Variants in FNDC3A observed in about 807,000 individuals in gnomAD.
FNDC3A encodes fibronectin type-III domain-containing protein 3A.
FNDC3A carries 32 observed loss-of-function variants against 148.9 expected under a neutral mutation model. That is an observed-to-expected ratio of 0.21 (90% confidence interval 0.16 to 0.29). The LOEUF (loss-of-function observed/expected upper bound fraction) is 0.29. FNDC3A is among the 10% of genes least tolerant of loss of function. The pLI is 1.00. For missense variants in FNDC3A, 1,191 were observed against 1,452.8 expected, an observed-to-expected ratio of 0.82 and a Z score of 2.93; for synonymous variants, 472 against 473.6, an observed-to-expected ratio of 1.00 and a Z score of 0.04.
chr13:49,090,533 C>A (rs1161174150), intron 3 of FNDC3A, among the ~76,000 whole-genome samples: 2 of 152,206 alleles, frequency 1.3e-5, no homozygotes, highest in Non-Finnish European at 2.9e-5. Context: ...CTGTCACAGA[C>A]ATGCAAACAA....
chr13:49,037,017 G>A (rs1874541570), intron 2 of FNDC3A, among the ~76,000 whole-genome samples: 1 of 152,188 alleles, frequency 6.6e-6, no homozygotes, highest in Admixed American at 6.5e-5. Context: ...ATCAGTATAG[G>A]AAAATATGAA....
chr13:49,159,346 A>G (rs1467519902), intron 8 of FNDC3A, among the ~76,000 whole-genome samples: 1 of 152,028 alleles, frequency 6.6e-6, no homozygotes, highest in Non-Finnish European at 1.5e-5. Context: ...ATCCCTTGTA[A>G]GTTGGATTCC....
chr13:49,049,057 C>T (rs970467092), intron 2 of FNDC3A, among the ~76,000 whole-genome samples: 7 of 152,112 alleles, frequency 4.6e-5, no homozygotes, highest in African/African-American at 1.2e-4. Flanking sequence ...TTTTTTGCAT[C>T]TATTGAGATA....
At chr13:49,037,253 T>C (rs1179441217) in intron 2 of FNDC3A, among the ~76,000 whole-genome samples, 1 of 152,244 alleles carries the variant, frequency 6.6e-6, no homozygotes, top group Non-Finnish European at 1.5e-5. Context: ...CCAGTCACTG[T>C]TCTATGCACT....
chr13:49,126,943 T>TGTG (rs1881736740), intron 4 of FNDC3A, among the ~76,000 whole-genome samples: 2 of 152,332 alleles, frequency 1.3e-5, no homozygotes, highest in South Asian at 4.1e-4. Flanking sequence ...TCACTGAGAT[T>TGTG]GTGGTACCTA....
At position 49,178,637 on chromosome 13, in the gene FNDC3A, A is replaced by C. The variant is rs1327560474; in HGVS notation, c.1600A>C (p.Thr534Pro). 1 of 1,560,694 alleles carries C rather than the reference A, an allele frequency of 6.4e-7. No homozygotes were observed. ...AYTVKNLRRS[T>P]KYKFKVIAYN... The stretch of plus-strand genomic sequence containing the variant: ...CACAGTGAAAAATCTCAGACGTAGT[A>C]CTAAGTATAAATTTAAGGTAAGCTT... Residue 534 changes from threonine (T) to proline (P), a missense_variant, in exon 14 of 26, where the codon ACT becomes CCT. Physicochemically the swap from Thr to Pro is conservative, Grantham distance 38 (BLOSUM62 -1). Around this residue, in one of 3 missense-constraint regions of FNDC3A, gnomAD observed 751 missense variants for 944.0 expected, o/e 0.80. Transcript: ENST00000492622.
rs77451308 is a variant in FNDC3A at position 49,137,327 on chromosome 13, T to A, written c.760+726T>A. Among the ~76,000 whole-genome samples, 706 of 152,152 alleles carry A rather than the reference T, an allele frequency of 4.6e-3. 7 individuals are homozygous for A. The highest frequency in any genetic ancestry group is 0.016 in the African/African-American group (678 of 41,512). ...AACCTCTGACTTCTACTCTATGAAC[T>A]TTGTTTTATTGGTTTTTGTTTGTTT... On this transcript the variant is annotated intron_variant, in intron 6 of 25. Coordinates refer to ENST00000492622, the MANE Select transcript of FNDC3A (RefSeq NM_001079673.2).
chr13:49,106,773 C>CAAAA (rs543962565), intron 3 of FNDC3A, among the ~76,000 whole-genome samples: 172 of 79,818 alleles, frequency 2.2e-3, no homozygotes, highest in African/African-American at 4.2e-3. Context: ...TGAATGAAAG[C>CAAAA]AAAAAAAAAA....
chr13:49,018,739 A>G (rs1290827021), intron 2 of FNDC3A, among the ~76,000 whole-genome samples: 1 of 152,160 alleles, frequency 6.6e-6, no homozygotes, highest in Non-Finnish European at 1.5e-5. Context: ...GGTTTTATCT[A>G]CTTTTGGTCT....
chr13:48,983,559 T>C (rs1182848543), intron 1 of FNDC3A, among the ~76,000 whole-genome samples: 3 of 152,198 alleles, frequency 2.0e-5, no homozygotes, highest in African/African-American at 7.2e-5. Flanking sequence ...TTTACGAAAC[T>C]AGGCAGCAGA....
intron 3 of FNDC3A, among the ~76,000 whole-genome samples, chr13:49,109,133 T>G (rs540631058): frequency 6.6e-6 from 1 of 152,234 alleles, no homozygotes; most frequent in Non-Finnish European, 1.5e-5. Context: ...CTTGTTAGGA[T>G]TAAGTGAGTT....
chr13:49,045,305 C>T lies in FNDC3A; in HGVS notation c.100-29984C>T, dbSNP rs560908039. Among the ~76,000 whole-genome samples, 14 of 152,166 alleles carry T rather than the reference C, an allele frequency of 9.2e-5. No homozygotes were observed. In the East Asian group the frequency reaches 2.7e-3, roughly 29 times the overall value. ...AGTAGCTGGGACTACAAGTGCGTGC[C>T]ACCACGGCCAGCTAATTTTTGTATT... On this transcript the variant is annotated intron_variant, in intron 2 of 25. Transcript: ENST00000492622.
In FNDC3A at chr13:49,013,361, T is replaced by C. The variant is rs182361011; in HGVS notation, c.99+7072T>C. On this transcript the variant is annotated intron_variant, in intron 2 of 25. Transcript: ENST00000492622. ...TAATGATATATTTTTCCTTCAAATTTTGATGTCATAATTTACATTAATTTT... is the reference window on the plus strand; with the variant it reads ...TAATGATATATTTTTCCTTCAAATTCTGATGTCATAATTTACATTAATTTT... Among the ~76,000 whole-genome samples, 313 of 152,166 alleles carry C rather than the reference T, an allele frequency of 2.1e-3. 3 individuals are homozygous for C. Among genetic ancestry groups the C allele is most frequent in the African/African-American group, 7.1e-3 (296 of 41,514 alleles).
chr13:49,023,090 A>G (rs1213803336), intron 2 of FNDC3A, among the ~76,000 whole-genome samples: 2 of 152,078 alleles, frequency 1.3e-5, no homozygotes, highest in African/African-American at 2.4e-5. Flanking sequence ...AAGAGATGAT[A>G]AAATCAGATT....
chr13:48,995,394 C>T (rs559674627), intron 1 of FNDC3A, among the ~76,000 whole-genome samples: 1 of 151,026 alleles, frequency 6.6e-6, no homozygotes, highest in Non-Finnish European at 1.5e-5. Context: ...CTTCCAGTAT[C>T]CAAAGATATG....
chr13:49,056,200 A>T (rs1876228025), intron 2 of FNDC3A, among the ~76,000 whole-genome samples: 2 of 151,470 alleles, frequency 1.3e-5, no homozygotes, highest in Admixed American at 1.3e-4. Context: ...AAAAAAAAAA[A>T]GTGCAGTTTA....
At chr13:49,015,956 C>G (rs200009787) in intron 2 of FNDC3A, among the ~76,000 whole-genome samples, 1 of 151,672 alleles carries the variant, frequency 6.6e-6, no homozygotes, top group Admixed American at 6.6e-5. Context: ...ATGAAGCCCA[C>G]TTGATCATGG....
chr13:49,051,183 ATTGCACTATTTG>A (rs1875815410), intron 2 of FNDC3A, among the ~76,000 whole-genome samples: 3 of 152,126 alleles, frequency 2.0e-5, no homozygotes, highest in Admixed American at 2.0e-4. Context: ...TGTTCTCTTC[ATTGCACTATTTG>A]TTGCCTGAAT....
At chr13:49,175,621 T>G (rs1274738629) in intron 13 of FNDC3A, 80 bp downstream of exon 13, 2 of 851,246 alleles carry the variant, frequency 2.3e-6, no homozygotes, top group Non-Finnish European at 3.6e-6. Flanking sequence ...ACGATGGCAT[T>G]TTCTAAATAT....
Sources: allele counts gnomAD v4.1 joint callset (sites outside exome capture counted in the v4.1 genomes callset), GRCh38; gene constraint gnomAD v4.1.1; regional missense constraint gnomAD v4.1.1; transcripts MANE v1.5; gene names NCBI Gene and HGNC (gene_info 2026-07-23, HGNC 2026-07-21).